Variants in FGF13 observed in about 807,000 individuals in gnomAD.
FGF13 encodes the protein fibroblast growth factor 13.
Under a neutral mutation model 19.5 loss-of-function variants are expected in FGF13, and 2 were observed. That is an observed-to-expected ratio of 0.10 (90% CI 0.04 to 0.32). The LOEUF is 0.32. Ranked by LOEUF, FGF13 falls within the 10% of genes least tolerant of loss-of-function variation. FGF13 has a pLI of 1.00. For synonymous variants in FGF13, 72 were observed against 76.9 expected (o/e 0.94, Z 0.33); for missense variants, 113 against 192.7 (o/e 0.59, Z 2.45).
Position 138,863,086 on chromosome X carries a change from C to T in FGF13, c.-39+1491G>A, listed in dbSNP as rs184427833. Among the ~76,000 whole-genome samples the T allele has an allele frequency of 2.7e-5, 3 of 111,050 alleles. No homozygotes were observed. In the East Asian group the frequency reaches 8.5e-4, roughly 32 times the overall value. On this transcript the variant is annotated intron_variant, in intron 2 of 2. Transcript: ENST00000421460. ...CCCCTTTATGTCCTTCAAGTGGCCC[C>T]TTTATGTCCTTCAGGGTTCCACTAA... is the stretch of plus-strand genomic sequence containing the variant.
chrX:139,178,004 G>A (rs1233974248), intron 1 of FGF13, among the ~76,000 whole-genome samples: 4 of 111,974 alleles, frequency 3.6e-5, no homozygotes, highest in Non-Finnish European at 7.5e-5. Context: ...GTGAGGTGAC[G>A]TCCCACCCTG....
At chrX:139,106,616 A>G (rs2083562339) in intron 1 of FGF13, among the ~76,000 whole-genome samples, 4 of 112,066 alleles carry the variant, frequency 3.6e-5, no homozygotes, top group African/African-American at 9.7e-5. Flanking sequence ...CTAGTAGCTG[A>G]TTTAAATATT....
chrX:139,136,450 T>C (rs1316632612), intron 1 of FGF13, among the ~76,000 whole-genome samples: 3 of 105,764 alleles, frequency 2.8e-5, no homozygotes, highest in Admixed American at 1.1e-4. Context: ...GTGTTCTACA[T>C]TTAAATCTGT....
intron 1 of FGF13, among the ~76,000 whole-genome samples, chrX:139,133,630 C>A (rs979355200): frequency 4.5e-5 from 5 of 111,279 alleles, no homozygotes; most frequent in African/African-American, 1.6e-4. Context: ...GCCTCACAGG[C>A]ACCTTCTCAT....
chrX:138,949,413 T>C (rs1486026102), intron 1 of FGF13, among the ~76,000 whole-genome samples: 1 of 111,568 alleles, frequency 9.0e-6, no homozygotes, highest in African/African-American at 3.3e-5. Flanking sequence ...CTGCATCACT[T>C]CAATCTCTGC....
At chrX:138,775,073 C>G in intron 3 of FGF13, among the ~76,000 whole-genome samples, 1 of 112,467 alleles carries the variant, frequency 8.9e-6, no homozygotes, top group Admixed American at 9.4e-5. Context: ...GATTCTTGTG[C>G]CTCAGCCTCC....
chrX:138,874,741 T>C (rs936687192), intron 1 of FGF13, among the ~76,000 whole-genome samples: 1 of 111,813 alleles, frequency 8.9e-6, no homozygotes, highest in Admixed American at 9.5e-5. Context: ...CAGGGAACAT[T>C]GGGAGCTCCT....
At chrX:138,891,549 A>C (rs1350931780) in intron 1 of FGF13, among the ~76,000 whole-genome samples, 2 of 111,630 alleles carry the variant, frequency 1.8e-5, no homozygotes, top group Non-Finnish European at 3.8e-5. Flanking sequence ...TTCACGTTAG[A>C]GGTTAGGACC....
chrX:139,033,413 T>C (rs956526658), intron 1 of FGF13, among the ~76,000 whole-genome samples: 2 of 111,744 alleles, frequency 1.8e-5, no homozygotes, highest in Non-Finnish European at 3.8e-5. Flanking sequence ...TATCGATCAC[T>C]GACTTAGGTA....
intron 1 of FGF13, among the ~76,000 whole-genome samples, chrX:138,933,100 T>A (rs1290592703): frequency 3.6e-5 from 4 of 111,394 alleles, no homozygotes; most frequent in Non-Finnish European, 5.6e-5. Context: ...ATTTTCATCA[T>A]GTCAATGTCC....
intron 1 of FGF13, among the ~76,000 whole-genome samples, chrX:139,010,738 G>A (rs375484889): frequency 3.6e-5 from 4 of 110,637 alleles, no homozygotes; most frequent in East Asian, 2.8e-4. Flanking sequence ...AGGTCACACC[G>A]CACAGAAGTG....
intron 1 of FGF13, among the ~76,000 whole-genome samples, chrX:139,060,204 T>C (rs1270926089): frequency 9.0e-6 from 1 of 111,331 alleles, no homozygotes; most frequent in East Asian, 2.8e-4. Flanking sequence ...TAAAATGGCA[T>C]ATTTCTTCTA....
chrX:139,052,779 C>T (rs1381085805), intron 1 of FGF13, among the ~76,000 whole-genome samples: 3 of 111,716 alleles, frequency 2.7e-5, no homozygotes, highest in African/African-American at 9.7e-5. Flanking sequence ...GTAGCCATTG[C>T]TTTTTGTTTG....
intron 1 of FGF13, among the ~76,000 whole-genome samples, chrX:139,083,577 G>T (rs999372462): frequency 8.9e-6 from 1 of 112,191 alleles, no homozygotes; most frequent in African/African-American, 3.2e-5. Flanking sequence ...CCTATAGAAA[G>T]TATCCCAGGG....
At chrX:139,003,741 C>T (rs948085347) in intron 1 of FGF13, among the ~76,000 whole-genome samples, 2 of 111,129 alleles carry the variant, frequency 1.8e-5, no homozygotes, top group African/African-American at 6.6e-5. Flanking sequence ...TGTTTACAAA[C>T]CTTGAGCTAG....
intron 1 of FGF13, among the ~76,000 whole-genome samples, chrX:139,027,726 G>A (rs934195728): frequency 1.3e-4 from 14 of 111,097 alleles, no homozygotes; most frequent in African/African-American, 4.6e-4. Flanking sequence ...CTAAATAAAA[G>A]GTCAAAGGCC....
intron 3 of FGF13, among the ~76,000 whole-genome samples, chrX:138,774,856 T>C (rs956183566): frequency 8.9e-6 from 1 of 112,607 alleles, no homozygotes; most frequent in Non-Finnish European, 1.9e-5. Context: ...AAATAGTTGA[T>C]TGTCAGCAAT....
chrX:138,721,040 A>G (rs967308170), intron 1 of FGF13, among the ~76,000 whole-genome samples: 2 of 112,011 alleles, frequency 1.8e-5, no homozygotes, highest in South Asian at 3.7e-4. Flanking sequence ...ATTGATGTTC[A>G]AGTATACAGT....
intron 1 of FGF13, among the ~76,000 whole-genome samples, chrX:139,182,109 A>G (rs1398480516): frequency 8.9e-6 from 1 of 111,826 alleles, no homozygotes; most frequent in African/African-American, 3.3e-5. Context: ...TGTCACTATT[A>G]TATGTGTTGT....
Sources: gnomAD v4.1 joint callset for allele counts (sites outside exome capture counted in the v4.1 genomes callset) on GRCh38, gnomAD v4.1.1 for gene constraint, MANE v1.5 for transcripts, NCBI Gene and HGNC (gene_info 2026-07-23, HGNC 2026-07-21) for gene names.